PPP3CC: variants seen among roughly 807,000 people sequenced by gnomAD.
The protein encoded by PPP3CC is serine/threonine-protein phosphatase 2B catalytic subunit gamma isoform.
Under a neutral mutation model 60.3 loss-of-function variants are expected in PPP3CC, and 35 were observed. That is an observed-to-expected ratio of 0.58 (90% CI 0.44 to 0.77). The LOEUF (loss-of-function observed/expected upper bound fraction) is 0.77. PPP3CC is among the 30% of genes least tolerant of loss of function. The pLI is 0.00. For missense variants in PPP3CC, 570 were observed against 628.9 expected (o/e 0.91, Z 1.00); for synonymous variants, 206 against 224.3 (o/e 0.92, Z 0.73).
Position 22,529,608 on chromosome 8 carries a change from C to T in PPP3CC, c.1141+1031C>T, listed in dbSNP as rs1415371563. On this transcript the variant is annotated intron_variant, in intron 10 of 13. Transcript: ENST00000240139. Reference sequence around the variant, plus strand: ...AAGCGATTCTCCTGCCTTAGCCTCACGAGTAGCTGGGATTATAGGCGCGTG... The same window carrying T: ...AAGCGATTCTCCTGCCTTAGCCTCATGAGTAGCTGGGATTATAGGCGCGTG... Among the ~76,000 whole-genome samples, 6 of 152,090 alleles carry T rather than the reference C, an allele frequency of 3.9e-5. No individual in the cohort carries two copies. The East Asian group carries it at 5.8e-4, about 15-fold the overall frequency.
intron 1 of PPP3CC, among the ~76,000 whole-genome samples, chr8:22,453,907 C>T (rs1456835352): frequency 1.3e-5 from 2 of 152,084 alleles, no homozygotes; most frequent in African/African-American, 2.4e-5. Flanking sequence ...ATAGGGCTTG[C>T]AGGACTGGAA....
rs566203143 is a variant in PPP3CC at position 22,448,655 on chromosome 8, A to C, written c.49+7197A>C. Among the ~76,000 whole-genome samples, 8 of 152,260 alleles carry C rather than the reference A, an allele frequency of 5.3e-5. No individual in the cohort carries two copies. The East Asian group carries it at 1.5e-3, about 29-fold the overall frequency. On this transcript the variant is annotated intron_variant, in intron 1 of 13. Coordinates refer to ENST00000240139, the MANE Select transcript of PPP3CC (RefSeq NM_005605.5). ...CCGCCTCCCAAAGTGCTGGGATTAC[A>C]GGTGTGAGCCACCGTGCCTGGCCTA...
chr8:22,485,174 G>A (rs1347829408), intron 3 of PPP3CC, among the ~76,000 whole-genome samples: 2 of 152,122 alleles, frequency 1.3e-5, no homozygotes, highest in African/African-American at 4.8e-5. Context: ...TTTATTGTGG[G>A]TGCTCTGGTT....
chr8:22,482,103 C>T (rs961009683), intron 3 of PPP3CC, among the ~76,000 whole-genome samples: 1 of 152,264 alleles, frequency 6.6e-6, no homozygotes, highest in African/African-American at 2.4e-5. Flanking sequence ...CTTGAGGAAT[C>T]ACCCCACTGT....
chr8:22,540,716 C>T lies in PPP3CC; in HGVS notation c.1453C>T (p.His485Tyr), dbSNP rs1257726142. ...AATGCCACCCCGAAAGGATAGCATA[C>T]ACGCTGGTGGGCCAATGAAATCTGT... Reference protein sequence around the residue: ...ERMPPRKDSIHAGGPMKSVTS... With the variant: ...ERMPPRKDSIYAGGPMKSVTS... Residue 485 changes from histidine (H) to tyrosine (Y), a missense_variant, in exon 14 of 14, where the codon CAC (histidine) becomes TAC (tyrosine). Transcript: ENST00000240139. 1 of 1,614,042 alleles carries T rather than the reference C, an allele frequency of 6.2e-7. No individual in the cohort carries two copies. Among genetic ancestry groups the T allele is most frequent in the Non-Finnish European group, 8.5e-7 (1 of 1,180,036 alleles).
At chr8:22,450,012 G>A (rs1836961510) in intron 1 of PPP3CC, among the ~76,000 whole-genome samples, 1 of 151,736 alleles carries the variant, frequency 6.6e-6, no homozygotes, top group Admixed American at 6.6e-5. Flanking sequence ...GATTACAGGT[G>A]TGCGCCACCA....
At chr8:22,525,693 G>A (rs1428623138) in intron 8 of PPP3CC, among the ~76,000 whole-genome samples, 1 of 151,552 alleles carries the variant, frequency 6.6e-6, no homozygotes, top group African/African-American at 2.4e-5. Context: ...AACTAGCTGG[G>A]ACCACAGGTG....
chr8:22,540,880 G>A lies in PPP3CC; in HGVS notation c.*78G>A. Reference sequence around the variant, plus strand: ...TTTATTTATTATTGGAAAATGAAAAGCAACTCAAAACAACTTCAACGTGGA... The same window carrying A: ...TTTATTTATTATTGGAAAATGAAAAACAACTCAAAACAACTTCAACGTGGA... On this transcript the variant is annotated 3_prime_UTR_variant, in exon 14 of 14. Transcript: ENST00000240139. The A allele has an allele frequency of 4.5e-6, 6 of 1,325,140 alleles. No homozygotes were observed. The South Asian group carries it at 9.2e-5, about 20-fold the overall frequency. 82.1% of individuals were successfully genotyped at this position (1,325,140 alleles called of 1,614,324 possible). A position where few individuals can be genotyped will look rare whatever the true frequency, so the allele number is the denominator to read the frequency against.
intron 3 of PPP3CC, among the ~76,000 whole-genome samples, chr8:22,479,376 C>T (rs7008959): frequency 0.043 from 6,568 of 151,972 alleles, 369 homozygotes; most frequent in African/African-American, 0.12. Flanking sequence ...ATTTTGTTTT[C>T]AAGAAAATTG....
At chr8:22,486,995 G>T (rs1048537741) in intron 3 of PPP3CC, among the ~76,000 whole-genome samples, 2 of 152,114 alleles carry the variant, frequency 1.3e-5, no homozygotes, top group Non-Finnish European at 2.9e-5. Context: ...CACCCAAAGT[G>T]CTGGGATTAC....
intron 10 of PPP3CC, among the ~76,000 whole-genome samples, chr8:22,531,118 A>G (rs1839703573): frequency 6.6e-6 from 1 of 152,200 alleles, no homozygotes; most frequent in South Asian, 2.1e-4. Context: ...GACAAAATAA[A>G]TTTGCAATTT....
At chr8:22,493,079 G>A (rs746868984) in intron 3 of PPP3CC, 1 of 1,543,324 alleles carries the variant, frequency 6.5e-7, no homozygotes, top group Non-Finnish European at 8.9e-7. Context: ...CCAAGATGGA[G>A]AATTTTGATG....
chr8:22,457,393 C>G (rs1317196920), intron 1 of PPP3CC, among the ~76,000 whole-genome samples: 3 of 151,486 alleles, frequency 2.0e-5, no homozygotes, highest in African/African-American at 7.3e-5. Context: ...ACCTCCGCCT[C>G]CTAGGTTCAA....
In PPP3CC at chr8:22,474,665, CTG is replaced by C. The variant is rs752606590; in HGVS notation, c.50-288_50-287del. Among the ~76,000 whole-genome samples the C allele has an allele frequency of 2.6e-5, 4 of 152,276 alleles. No homozygotes were observed. In the East Asian group the frequency reaches 5.8e-4, roughly 22 times the overall value. ...GTTGCAGTGAGCTGAGATCGTGTCA[CTG>C]CATTCCAGCCTGGGTTGACAGAGCA... On this transcript the variant is annotated intron_variant, in intron 1 of 13. Coordinates refer to ENST00000240139, the MANE Select transcript of PPP3CC (RefSeq NM_005605.5).
At chr8:22,529,767 T>G (rs1352354731) in intron 10 of PPP3CC, among the ~76,000 whole-genome samples, 1 of 152,200 alleles carries the variant, frequency 6.6e-6, no homozygotes, top group African/African-American at 2.4e-5. Context: ...TTAACAAGCA[T>G]GAGCCACCAT....
intron 3 of PPP3CC, among the ~76,000 whole-genome samples, chr8:22,475,922 A>C (rs1255060579): frequency 6.6e-6 from 1 of 152,192 alleles, no homozygotes; most frequent in African/African-American, 2.4e-5. Flanking sequence ...AAATGACATA[A>C]ATTGCTGTTC....
intron 3 of PPP3CC, among the ~76,000 whole-genome samples, chr8:22,482,949 T>G (rs891445541): frequency 2.0e-5 from 3 of 152,142 alleles, no homozygotes; most frequent in African/African-American, 7.2e-5. Flanking sequence ...GATGAAAAAG[T>G]TGGAGAGAGT....
At chr8:22,471,231 A>T (rs1013814013) in intron 1 of PPP3CC, among the ~76,000 whole-genome samples, 14 of 151,868 alleles carry the variant, frequency 9.2e-5, no homozygotes, top group Admixed American at 5.9e-4. Context: ...TTAAAATGCT[A>T]ACTTTTATCT....
intron 1 of PPP3CC, among the ~76,000 whole-genome samples, chr8:22,467,506 G>A (rs1388439514): frequency 1.3e-5 from 2 of 151,876 alleles, no homozygotes; most frequent in South Asian, 2.1e-4. Flanking sequence ...TCAGTGGTGC[G>A]ATCTCAGCTC....
Sources: gnomAD v4.1 joint callset for allele counts (sites outside exome capture counted in the v4.1 genomes callset) on GRCh38, gnomAD v4.1.1 for gene constraint, MANE v1.5 for transcripts, NCBI Gene and HGNC (gene_info 2026-07-23, HGNC 2026-07-21) for gene names.